The following DLG2 variants were observed in gnomAD, a reference collection of about 807,000 sequenced individuals.
DLG2 encodes discs large MAGUK scaffold protein 2.
DLG2 carries 45 observed loss-of-function variants against 132.5 expected under a neutral mutation model. That is an observed-to-expected ratio of 0.34 (90% CI 0.27 to 0.44). The LOEUF is 0.44. Ranked by LOEUF, DLG2 falls within the 20% of genes least tolerant of loss-of-function variation. The pLI, the probability that DLG2 is intolerant of heterozygous loss-of-function variation, is 1.00. For missense variants in DLG2, 1,045 were observed against 1,196.9 expected, an observed-to-expected ratio of 0.87 and a Z score of 1.87; for synonymous variants, 424 against 419.6, an observed-to-expected ratio of 1.01 and a Z score of -0.13.
At chr11:83,910,154 A>C (rs1277238493) in intron 15 of DLG2, among the ~76,000 whole-genome samples, 1 of 152,116 alleles carries the variant, frequency 6.6e-6, no homozygotes, top group Non-Finnish European at 1.5e-5. Context: ...TGGACTGAAA[A>C]GGTGTCAAAC....
intron 3 of DLG2, among the ~76,000 whole-genome samples, chr11:85,361,992 C>T (rs1375131573): frequency 6.6e-6 from 1 of 152,068 alleles, no homozygotes; most frequent in Admixed American, 6.6e-5. Context: ...TTTTTTGAGA[C>T]AAAGTCTTGC....
chr11:85,509,887 C>T (rs2094018359), intron 3 of DLG2: 3 of 151,908 alleles, frequency 2.0e-5, no homozygotes. Flanking sequence ...TCATGGAATG[C>T]TTCATTGAAG....
chr11:83,708,598 T>G (rs2084618418), intron 18 of DLG2, among the ~76,000 whole-genome samples: 1 of 152,192 alleles, frequency 6.6e-6, no homozygotes, highest in Non-Finnish European at 1.5e-5. Context: ...ATCACTTGTG[T>G]TTTATGGTCA....
chr11:84,696,224 A>G (rs1454374579), intron 6 of DLG2, among the ~76,000 whole-genome samples: 1 of 151,574 alleles, frequency 6.6e-6, no homozygotes, highest in Non-Finnish European at 1.5e-5. Flanking sequence ...GCTACTTATT[A>G]TAATTACTGA....
intron 6 of DLG2, among the ~76,000 whole-genome samples, chr11:85,008,860 T>C (rs2058919247): frequency 6.6e-6 from 1 of 151,844 alleles, no homozygotes; most frequent in African/African-American, 2.4e-5. Flanking sequence ...TAATGAAATA[T>C]AAAAAGAAAA....
chr11:84,203,954 T>A (rs545918208), intron 8 of DLG2, among the ~76,000 whole-genome samples: 1 of 152,090 alleles, frequency 6.6e-6, no homozygotes, highest in East Asian at 1.9e-4. Context: ...CGGGGAAAAA[T>A]ATTTTTTATT....
At chr11:84,269,545 G>A (rs1173916246) in intron 7 of DLG2, among the ~76,000 whole-genome samples, 1 of 152,150 alleles carries the variant, frequency 6.6e-6, no homozygotes, top group African/African-American at 2.4e-5. Flanking sequence ...TGGTATTACA[G>A]TGATTTGCAA....
At chr11:85,400,955 A>G (rs1292647659) in intron 3 of DLG2, among the ~76,000 whole-genome samples, 1 of 151,832 alleles carries the variant, frequency 6.6e-6, no homozygotes, top group African/African-American at 2.4e-5. Flanking sequence ...AAAAAAAAGA[A>G]AAAGAGGGAA....
chr11:85,041,501 C>A (rs2061864193), intron 6 of DLG2, among the ~76,000 whole-genome samples: 1 of 151,874 alleles, frequency 6.6e-6, no homozygotes, highest in Non-Finnish European at 1.5e-5. Context: ...TTAAACAGGG[C>A]ATCAGAGAGA....
At chr11:83,836,312 G>T (rs1039078249) in intron 16 of DLG2, among the ~76,000 whole-genome samples, 3 of 152,084 alleles carry the variant, frequency 2.0e-5, no homozygotes, top group Non-Finnish European at 4.4e-5. Flanking sequence ...TAACCAAATA[G>T]CTGGACACTC....
intron 3 of DLG2, among the ~76,000 whole-genome samples, chr11:85,541,529 C>G (rs1004032361): frequency 6.6e-6 from 1 of 150,962 alleles, no homozygotes; most frequent in Non-Finnish European, 1.5e-5. Flanking sequence ...CTAATGGGCC[C>G]TATATGAAAG....
At chr11:85,299,982 C>T (rs957559352) in intron 3 of DLG2, among the ~76,000 whole-genome samples, 2 of 152,166 alleles carry the variant, frequency 1.3e-5, no homozygotes, top group Admixed American at 6.5e-5. Flanking sequence ...TAGAATGCCT[C>T]ATATTATATG....
chr11:85,190,627 A>G (rs1260819501), intron 4 of DLG2, among the ~76,000 whole-genome samples: 1 of 152,202 alleles, frequency 6.6e-6, no homozygotes, highest in Non-Finnish European at 1.5e-5. Flanking sequence ...CTAGATTAAT[A>G]AAGAAAAAGA....
At chr11:84,964,880 A>C (rs1653072510) in intron 6 of DLG2, among the ~76,000 whole-genome samples, 1 of 152,170 alleles carries the variant, frequency 6.6e-6, no homozygotes, top group Non-Finnish European at 1.5e-5. Context: ...AGTATGATAG[A>C]TATGTGAATA....
At chr11:83,575,991 A>C (rs1387358588) in intron 19 of DLG2, among the ~76,000 whole-genome samples, 1 of 152,194 alleles carries the variant, frequency 6.6e-6, no homozygotes, top group African/African-American at 2.4e-5. Context: ...GTGGCAGAAA[A>C]GAACATTAAA....
chr11:84,043,439 A>G (rs2154110124), intron 11 of DLG2, among the ~76,000 whole-genome samples: 1 of 151,740 alleles, frequency 6.6e-6, no homozygotes, highest in East Asian at 1.9e-4. Flanking sequence ...ATATACGTAA[A>G]CTCGGGTCAC....
Position 85,352,613 on chromosome 11 carries a change from A to G in DLG2, c.41-67248T>C, listed in dbSNP as rs1596458158. On this transcript the variant is annotated intron_variant, in intron 3 of 27. Coordinates refer to ENST00000376104, the MANE Select transcript of DLG2 (RefSeq NM_001142699.3). Reference sequence around the variant, plus strand: ...AGATTCTGGCTACAGTAACCAAAACAGCATGGTACTGGTACCAAAACAGAG... The same window carrying G: ...AGATTCTGGCTACAGTAACCAAAACGGCATGGTACTGGTACCAAAACAGAG... Among the ~76,000 whole-genome samples the G allele has an allele frequency of 4.6e-5, 7 of 152,298 alleles. No individual in the cohort carries two copies. In the South Asian group the frequency reaches 1.5e-3, roughly 32 times the overall value.
At chr11:85,110,755 C>A (rs184509007) in intron 6 of DLG2, among the ~76,000 whole-genome samples, 1 of 152,164 alleles carries the variant, frequency 6.6e-6, no homozygotes, top group African/African-American at 2.4e-5. Flanking sequence ...TCAGTCCAGT[C>A]GTATCTTTCA....
chr11:84,843,785 C>A (rs1025708124), intron 6 of DLG2, among the ~76,000 whole-genome samples: 59 of 151,756 alleles, frequency 3.9e-4, no homozygotes, highest in African/African-American at 1.4e-3. Context: ...ACGGACACAA[C>A]CATCCTTTTT....
Sources: allele counts gnomAD v4.1 joint callset (sites outside exome capture counted in the v4.1 genomes callset), GRCh38; gene constraint gnomAD v4.1.1; transcripts MANE v1.5; gene names NCBI Gene and HGNC (gene_info 2026-07-23, HGNC 2026-07-21).